The following POU2F3 variants were observed in gnomAD, a reference collection of about 807,000 sequenced individuals.
POU2F3 encodes the protein POU class 2 homeobox 3.
POU2F3 carries 23 observed loss-of-function variants against 59.2 expected under a neutral mutation model. The observed-to-expected ratio is 0.39, with a 90% CI of 0.28 to 0.55. The LOEUF (loss-of-function observed/expected upper bound fraction) is 0.55. Among genes scored for constraint, POU2F3 ranks in the 20% least tolerant of loss-of-function variants. POU2F3 has a pLI of 0.66. For missense variants in POU2F3, 473 were observed against 544.5 expected, an observed-to-expected ratio of 0.87 and a Z score of 1.31; for synonymous variants, 190 against 214.6, an observed-to-expected ratio of 0.89 and a Z score of 1.00.
At chr11:120,301,059 A>G (rs1399713931) in intron 5 of POU2F3, 1 of 456,214 alleles carries the variant, frequency 2.2e-6, no homozygotes, top group Non-Finnish European at 4.4e-6. Context: ...GGAGAGCGAC[A>G]TGAAAATGGC....
At chr11:120,262,998 AT>A (rs1939668869) in intron 2 of POU2F3, among the ~76,000 whole-genome samples, 1 of 141,816 alleles carries the variant, frequency 7.1e-6, no homozygotes. Flanking sequence ...TTTATTTATT[AT>A]TATTTATTTT....
chr11:120,295,219 A>C (rs1388958132), intron 3 of POU2F3, among the ~76,000 whole-genome samples: 1 of 152,226 alleles, frequency 6.6e-6, no homozygotes, highest in Non-Finnish European at 1.5e-5. Context: ...CACAGATTCT[A>C]ACAGATAGCG....
At chr11:120,236,773 G>A (rs1437670515), upstream of POU2F3, 10 of 1,388,268 alleles carry the variant, frequency 7.2e-6, no homozygotes, top group African/African-American at 2.9e-5. Context: ...GCAAGTCTGA[G>A]AGAGAAGGAA....
intron 3 of POU2F3, among the ~76,000 whole-genome samples, chr11:120,286,371 G>A (rs952471496): frequency 6.6e-6 from 1 of 152,172 alleles, no homozygotes; most frequent in Non-Finnish European, 1.5e-5. Context: ...CAAGTGTACA[G>A]CATAACACTC....
At chr11:120,307,277 G>A (rs1283203473) in intron 8 of POU2F3, among the ~76,000 whole-genome samples, 2 of 152,248 alleles carry the variant, frequency 1.3e-5, no homozygotes, top group African/African-American at 2.4e-5. Context: ...GGACAATGGA[G>A]GGCCACGGAG....
intron 3 of POU2F3, among the ~76,000 whole-genome samples, chr11:120,273,742 G>T (rs745590181): frequency 6.6e-6 from 1 of 152,184 alleles, no homozygotes; most frequent in Non-Finnish European, 1.5e-5. Flanking sequence ...CAGGCCAGGC[G>T]CAGTGGCTCA....
At chr11:120,298,481 A>T (rs1340754528) in intron 4 of POU2F3, 91 bp downstream of exon 4, 1 of 1,538,988 alleles carries the variant, frequency 6.5e-7, no homozygotes, top group African/African-American at 1.4e-5. Flanking sequence ...CGTCTAAAGA[A>T]CCCCCTGCAG....
intron 10 of POU2F3, among the ~76,000 whole-genome samples, chr11:120,312,885 G>A (rs1941686246): frequency 6.6e-6 from 1 of 152,178 alleles, no homozygotes; most frequent in African/African-American, 2.4e-5. Context: ...AACAGGGAAA[G>A]TGTTTGAGTT....
At position 120,285,725 on chromosome 11, in the gene POU2F3, A is replaced by T. The variant is rs537481107; in HGVS notation, c.133-12540A>T. Among the ~76,000 whole-genome samples, 2 of 152,350 alleles carry T rather than the reference A, an allele frequency of 1.3e-5. No individual in the cohort carries two copies. Among genetic ancestry groups the T allele is most frequent in the Non-Finnish European group, 1.5e-5 (1 of 68,046 alleles). On this transcript the variant is annotated intron_variant, in intron 3 of 12. Transcript: ENST00000543440. This position sits in a 1 kb window ranked among gnomAD's most constrained non-coding sequence, Gnocchi z 4.3. ...ATATATATTACAAATGGAAATGTAT[A>T]AATTTTTGTGGCCTACACACATATG...
chr11:120,299,839 C>T (rs1180998535), intron 5 of POU2F3, 113 bp downstream of exon 5: 3 of 843,936 alleles, frequency 3.6e-6, no homozygotes, highest in African/African-American at 1.7e-5. Flanking sequence ...GTCAGTCACC[C>T]ATCTGCTATT....
intron 2 of POU2F3, among the ~76,000 whole-genome samples, chr11:120,253,353 G>A (rs1043223602): frequency 5.3e-5 from 8 of 151,288 alleles, no homozygotes; most frequent in South Asian, 2.1e-4. Flanking sequence ...TCCACCTCCC[G>A]GGTTCAAGCG....
At chr11:120,266,583 T>G (rs142174670) in intron 2 of POU2F3, among the ~76,000 whole-genome samples, 1 of 152,318 alleles carries the variant, frequency 6.6e-6, no homozygotes, top group Non-Finnish European at 1.5e-5. Flanking sequence ...TCCCTCAGCG[T>G]GCAAGCCTGT....
intron 10 of POU2F3, among the ~76,000 whole-genome samples, chr11:120,313,993 G>A (rs1413382081): frequency 6.6e-6 from 1 of 152,144 alleles, no homozygotes; most frequent in Non-Finnish European, 1.5e-5. Flanking sequence ...CAGCCTGGGT[G>A]ACAGAGCGAG....
chr11:120,312,707 C>T (rs776141778), intron 10 of POU2F3, among the ~76,000 whole-genome samples: 4 of 152,130 alleles, frequency 2.6e-5, no homozygotes, highest in Non-Finnish European at 5.9e-5. Context: ...GTGACCCCTG[C>T]TTACAGTGTA....
chr11:120,282,901 T>A (rs747034082), intron 3 of POU2F3, among the ~76,000 whole-genome samples: 10 of 152,218 alleles, frequency 6.6e-5, no homozygotes, highest in Non-Finnish European at 1.2e-4. Flanking sequence ...GGCTTGGAAG[T>A]GGGTTTTGCG....
At chr11:120,264,500 A>T (rs1939744559) in intron 2 of POU2F3, among the ~76,000 whole-genome samples, 1 of 152,176 alleles carries the variant, frequency 6.6e-6, no homozygotes, top group African/African-American at 2.4e-5. Context: ...TTCTAGGTAG[A>T]AGAGGAGGAG....
chr11:120,237,696 C>T (rs1451689917), upstream of POU2F3, among the ~76,000 whole-genome samples: 1 of 152,096 alleles, frequency 6.6e-6, no homozygotes, highest in African/African-American at 2.4e-5. Context: ...CACAAGCACA[C>T]AGGGGTATAT....
chr11:120,292,039 A>G (rs1456143983), intron 3 of POU2F3, among the ~76,000 whole-genome samples: 1 of 151,982 alleles, frequency 6.6e-6, no homozygotes, highest in East Asian at 1.9e-4. Flanking sequence ...TGATCTCCTG[A>G]CCTCGTGATC....
intron 12 of POU2F3, 46 bp from the exon 13 acceptor site, chr11:120,318,307 G>T: frequency 1.3e-6 from 2 of 1,544,624 alleles, no homozygotes; most frequent in Non-Finnish European, 1.8e-6. Context: ...CCCATCTTAC[G>T]CCATCACATT....
Sources: allele counts gnomAD v4.1 joint callset (sites outside exome capture counted in the v4.1 genomes callset), GRCh38; gene constraint gnomAD v4.1.1; non-coding constraint Gnocchi (gnomAD v3.1); transcripts MANE v1.5; gene names NCBI Gene and HGNC (gene_info 2026-07-23, HGNC 2026-07-21).